TRIM44: variants seen among roughly 807,000 people sequenced by gnomAD.
The protein encoded by TRIM44 is tripartite motif-containing protein 44.
A neutral mutation model predicts 37.4 loss-of-function variants in TRIM44; 13 were observed. That is an observed-to-expected ratio of 0.35 (90% confidence interval 0.23 to 0.55). The LOEUF is 0.55. Ranked by LOEUF, TRIM44 falls within the 20% of genes least tolerant of loss-of-function variation. TRIM44 has a pLI of 0.89. For missense variants in TRIM44, 426 were observed against 437.2 expected, an observed-to-expected ratio of 0.97 and a Z score of 0.23; for synonymous variants, 175 against 157.2, an observed-to-expected ratio of 1.11 and a Z score of -0.85.
rs545847244 is a variant in TRIM44, at chr11:35,755,541, G to T, written c.1007+20096G>T. 3.9e-5 allele frequency among the ~76,000 whole-genome samples: 6 copies of T among 152,172 alleles called. No individual in the cohort carries two copies. The East Asian group carries it at 9.6e-4, about 24-fold the overall frequency. The stretch of plus-strand genomic sequence containing the variant: ...CCATTTGTCAATTTTGGCTTTTGTT[G>T]CCATTGCTTTTGGTGTTTTAGACAT... On this transcript the variant is annotated intron_variant, in intron 4 of 4. Coordinates refer to ENST00000299413, the MANE Select transcript of TRIM44 (RefSeq NM_017583.6).
intron 2 of TRIM44, among the ~76,000 whole-genome samples, chr11:35,694,299 A>G (rs1210159982): frequency 2.0e-5 from 3 of 152,290 alleles, no homozygotes; most frequent in Middle Eastern, 3.4e-3. Flanking sequence ...CTAACAAATG[A>G]TGCCCTTCTA....
chr11:35,799,606 A>G (rs1198996983), intron 4 of TRIM44, among the ~76,000 whole-genome samples: 1 of 152,148 alleles, frequency 6.6e-6, no homozygotes, highest in Non-Finnish European at 1.5e-5. Context: ...AGTTCAGTTC[A>G]TTTCTGGGGG....
chr11:35,800,432 A>C (rs1481433602), intron 4 of TRIM44, among the ~76,000 whole-genome samples: 1 of 152,144 alleles, frequency 6.6e-6, no homozygotes, highest in Non-Finnish European at 1.5e-5. Flanking sequence ...ACAGTCCTTT[A>C]GCTAGACACA....
chr11:35,725,883 G>T, intron 2 of TRIM44, 41 bp from the exon 3 acceptor site: 1 of 1,602,628 alleles, frequency 6.2e-7, no homozygotes, highest in Non-Finnish European at 8.5e-7. Context: ...TTGTTTCTTT[G>T]TATGTTCAAC....
chr11:35,709,896 C>G (rs1851944841), intron 2 of TRIM44, among the ~76,000 whole-genome samples: 1 of 152,110 alleles, frequency 6.6e-6, no homozygotes, highest in Non-Finnish European at 1.5e-5. Flanking sequence ...CGGGCAGCCC[C>G]CAGAATCACA....
chr11:35,706,036 G>A (rs1851875198), intron 2 of TRIM44, among the ~76,000 whole-genome samples: 1 of 148,672 alleles, frequency 6.7e-6, no homozygotes, highest in Non-Finnish European at 1.5e-5. Context: ...AAGAAGAAAA[G>A]AGAGAAGAAT....
At chr11:35,675,748 C>T (rs1015124752) in intron 1 of TRIM44, among the ~76,000 whole-genome samples, 2 of 152,098 alleles carry the variant, frequency 1.3e-5, no homozygotes, top group African/African-American at 4.8e-5. Flanking sequence ...TCTCGATCTC[C>T]TGACTTCGTG....
At chr11:35,701,415 G>T (rs917510032) in intron 2 of TRIM44, among the ~76,000 whole-genome samples, 1 of 152,042 alleles carries the variant, frequency 6.6e-6, no homozygotes, top group African/African-American at 2.4e-5. Context: ...CCCAACTTTG[G>T]CTAGGCCAAA....
chr11:35,736,294 A>G (rs1852325520), intron 4 of TRIM44, among the ~76,000 whole-genome samples: 2 of 152,168 alleles, frequency 1.3e-5, no homozygotes, highest in South Asian at 4.1e-4. Context: ...TGTGTAAAAA[A>G]CAATTTTTCT....
At chr11:35,697,481 T>TTAGGG (rs997649705) in intron 2 of TRIM44, among the ~76,000 whole-genome samples, 14 of 150,142 alleles carry the variant, frequency 9.3e-5, no homozygotes, top group African/African-American at 3.2e-4. Context: ...CCTTTAAGTT[T>TTAGGG]TAGGGTACAT....
At chr11:35,797,709 C>T (rs1257501386) in intron 4 of TRIM44, among the ~76,000 whole-genome samples, 3 of 152,166 alleles carry the variant, frequency 2.0e-5, no homozygotes, top group Non-Finnish European at 4.4e-5. Flanking sequence ...CTGATCAGCA[C>T]CCCTCAAAAC....
In TRIM44 at chr11:35,809,875, A is replaced by G. The variant is rs2133888439; in HGVS notation, c.*3490A>G. 6.8e-6 allele frequency: 1 copy of G among 148,014 alleles called. No individual in the cohort carries two copies. Among genetic ancestry groups the G allele is most frequent in the East Asian group, 1.9e-4 (1 of 5,130 alleles). The allele number at this position is 148,014 out of a possible 1,614,324, so 9.2% of individuals were successfully genotyped here. On this transcript the variant is annotated 3_prime_UTR_variant, in exon 5 of 5. Coordinates refer to ENST00000299413, the MANE Select transcript of TRIM44 (RefSeq NM_017583.6). ...TGTGTGTATATGTATATACATACAT[A>G]CATGTCCGCACACACACACACAATA...
chr11:35,663,025 C>G lies in TRIM44; in HGVS notation c.-87C>G. 2 of 1,435,596 alleles carry G rather than the reference C, an allele frequency of 1.4e-6. No homozygotes were observed. Among genetic ancestry groups the G allele is most frequent in the Non-Finnish European group, 1.8e-6 (2 of 1,100,478 alleles). The allele number at this position is 1,435,596 out of a possible 1,614,324, so 88.9% of individuals were successfully genotyped here. On this transcript the variant is annotated 5_prime_UTR_variant, in exon 1 of 5. Transcript: ENST00000299413. ...GGGAGGCGACTCCCTAGGAAGGGAC[C>G]CGGGGCGGGAGGAGGAAGTGAGGCC... is the stretch of plus-strand genomic sequence containing the variant.
chr11:35,790,548 A>T (rs1050500564), intron 4 of TRIM44, among the ~76,000 whole-genome samples: 5 of 151,888 alleles, frequency 3.3e-5, no homozygotes, highest in African/African-American at 1.2e-4. Context: ...CTTCAGCTCT[A>T]TTTGATGTTT....
intron 1 of TRIM44, among the ~76,000 whole-genome samples, chr11:35,669,516 C>T (rs1190924553): frequency 1.3e-5 from 2 of 151,904 alleles, no homozygotes; most frequent in African/African-American, 4.8e-5. Context: ...ACTCTTGTCA[C>T]CCAGGCTGGA....
intron 4 of TRIM44, among the ~76,000 whole-genome samples, chr11:35,778,682 A>G (rs1262362668): frequency 6.6e-6 from 1 of 152,186 alleles, no homozygotes; most frequent in Admixed American, 6.5e-5. Flanking sequence ...TCCTTCTAAC[A>G]GTCAGGACCC....
intron 4 of TRIM44, among the ~76,000 whole-genome samples, chr11:35,749,225 T>C (rs1471975855): frequency 7.2e-5 from 11 of 152,222 alleles, no homozygotes; most frequent in Non-Finnish European, 1.6e-4. Flanking sequence ...AAAGAACTTA[T>C]GCTATAGAAT....
intron 4 of TRIM44, among the ~76,000 whole-genome samples, chr11:35,796,630 G>A (rs769267642): frequency 3.3e-5 from 5 of 152,148 alleles, no homozygotes; most frequent in Non-Finnish European, 5.9e-5. Flanking sequence ...GGCCCTAGTA[G>A]AGGGTATAGG....
intron 1 of TRIM44, among the ~76,000 whole-genome samples, chr11:35,682,852 C>A (rs918985334): frequency 1.3e-5 from 2 of 152,130 alleles, no homozygotes; most frequent in Non-Finnish European, 2.9e-5. Flanking sequence ...GGGATTCCTT[C>A]GTTGTCGTTT....
Sources: allele counts gnomAD v4.1 joint callset (sites outside exome capture counted in the v4.1 genomes callset), GRCh38; gene constraint gnomAD v4.1.1; transcripts MANE v1.5; gene names NCBI Gene and HGNC (gene_info 2026-07-23, HGNC 2026-07-21).